The following SYT2 variants were observed in gnomAD, a reference collection of about 807,000 sequenced individuals.
SYT2 encodes synaptotagmin-2.
A neutral mutation model predicts 39.9 loss-of-function variants in SYT2; 15 were observed. The observed-to-expected ratio is 0.38, with a 90% confidence interval of 0.25 to 0.58. The LOEUF is 0.58. Ranked by LOEUF, SYT2 falls within the 20% of genes least tolerant of loss-of-function variation. SYT2 has a pLI of 0.70. For synonymous variants in SYT2, 181 were observed against 204.5 expected (o/e 0.89, Z 0.98); for missense variants, 389 against 530.3 (o/e 0.73, Z 2.62).
At chr1:202,705,807 C>T (rs1204030219) in intron 1 of SYT2, among the ~76,000 whole-genome samples, 2 of 151,810 alleles carry the variant, frequency 1.3e-5, no homozygotes, top group Non-Finnish European at 2.9e-5. Flanking sequence ...TCTCGACCTC[C>T]TGGGCTCAGG....
rs149075201 is a variant in SYT2, at chr1:202,630,205, A to G, written c.-17-24416T>C. ...TGGTGCATATATCCATAAGTTGTGC[A>G]CTTTGCTGAATCTAAGTTATAACTA... On this transcript the variant is annotated intron_variant, in intron 1 of 8. Coordinates refer to ENST00000367268, the MANE Select transcript of SYT2 (RefSeq NM_177402.5). The G allele has an allele frequency of 7.8e-3, 1,358 of 174,036 alleles. 16 individuals carry two copies. Among genetic ancestry groups the G allele is most frequent in the African/African-American group, 0.031 (1,294 of 41,788 alleles). 10.8% of individuals were successfully genotyped at this position (174,036 alleles called of 1,614,324 possible).
At chr1:202,642,982 T>C (rs1691962840) in intron 1 of SYT2, among the ~76,000 whole-genome samples, 2 of 152,282 alleles carry the variant, frequency 1.3e-5, no homozygotes, top group African/African-American at 2.4e-5. Context: ...CGGGGAGAGA[T>C]AGGTTGGGGG....
At chr1:202,625,626 T>A (rs182693256) in intron 1 of SYT2, among the ~76,000 whole-genome samples, 1 of 152,104 alleles carries the variant, frequency 6.6e-6, no homozygotes, top group East Asian at 1.9e-4. Flanking sequence ...TCCAGGAGGC[T>A]GCCGCCTGCC....
chr1:202,664,993 C>T (rs562290254), intron 1 of SYT2, among the ~76,000 whole-genome samples: 39 of 152,268 alleles, frequency 2.6e-4, no homozygotes, highest in South Asian at 8.3e-4. Context: ...TCATTCATGT[C>T]GTTACAGGTA....
rs746832450 is a variant in SYT2, at chr1:202,602,581, C to T, written c.466-36G>A. 4 of 1,583,908 alleles carry T rather than the reference C, an allele frequency of 2.5e-6. No individual in the cohort carries two copies. In the South Asian group the frequency reaches 3.5e-5, roughly 14 times the overall value. On this transcript the variant is annotated intron_variant, in intron 4 of 8. Transcript: ENST00000367268. Reference sequence around the variant, plus strand: ...AGATGGGGAGAAGGGGCCTGAGTCTCAGGACTGCTCCAATACCACAACTGG... The same window carrying T: ...AGATGGGGAGAAGGGGCCTGAGTCTTAGGACTGCTCCAATACCACAACTGG...
At chr1:202,697,338 A>C (rs1653998188) in intron 1 of SYT2, among the ~76,000 whole-genome samples, 1 of 152,226 alleles carries the variant, frequency 6.6e-6, no homozygotes, top group Admixed American at 6.5e-5. Context: ...AGCTGGAGAT[A>C]AGGCCTCAGG....
chr1:202,642,622 A>C (rs1392926051), intron 1 of SYT2, among the ~76,000 whole-genome samples: 1 of 152,156 alleles, frequency 6.6e-6, no homozygotes, highest in Non-Finnish European at 1.5e-5. Context: ...AGGGGTGGAA[A>C]ATGCAGCCGC....
In SYT2 at chr1:202,640,781, A is replaced by AGG. The variant is rs1428400288; in HGVS notation, c.-17-34993_-17-34992insCC. Among the ~76,000 whole-genome samples the AGG allele has an allele frequency of 1.0e-3, 143 of 143,362 alleles. 2 individuals carry two copies. Among genetic ancestry groups the AGG allele is most frequent in the Non-Finnish European group, 1.5e-3 (98 of 66,866 alleles). 94.1% of individuals were successfully genotyped at this position (143,362 alleles called of 152,430 possible). On this transcript the variant is annotated intron_variant, in intron 1 of 8. Coordinates refer to ENST00000367268, the MANE Select transcript of SYT2 (RefSeq NM_177402.5). ...GAGAGAGAGAGAGAGAGAGAGAGAG[A>AGG]GAGAGAGAGAGACAGACAGACAGAG...
In SYT2 at chr1:202,709,011, G is replaced by A. The variant is rs565869342; in HGVS notation, c.-18+1247C>T. Among the ~76,000 whole-genome samples the A allele has an allele frequency of 1.5e-3, 232 of 152,328 alleles. 1 individual carries two copies. Among genetic ancestry groups the A allele is most frequent in the Non-Finnish European group, 2.4e-3 (166 of 68,022 alleles). Reference sequence around the variant, plus strand: ...ATCTATTCCACCTGGGAGAGGCCCCGCAGGGCGGCAGCAGTAGGGGAGGGA... The same window carrying A: ...ATCTATTCCACCTGGGAGAGGCCCCACAGGGCGGCAGCAGTAGGGGAGGGA... On this transcript the variant is annotated intron_variant, in intron 1 of 8. Transcript: ENST00000367268.
At chr1:202,658,803 C>T (rs1318405397) in intron 1 of SYT2, among the ~76,000 whole-genome samples, 1 of 152,098 alleles carries the variant, frequency 6.6e-6, no homozygotes, top group Admixed American at 6.5e-5. Context: ...GCACCCTCCT[C>T]TTGCCCCTGC....
At chr1:202,647,508 G>A (rs927831631) in intron 1 of SYT2, among the ~76,000 whole-genome samples, 5 of 151,916 alleles carry the variant, frequency 3.3e-5, no homozygotes, top group Non-Finnish European at 7.4e-5. Flanking sequence ...CCCTGCAACA[G>A]TAGCTGAGGC....
At chr1:202,615,984 C>A (rs1276722297) in intron 1 of SYT2, among the ~76,000 whole-genome samples, 2 of 152,096 alleles carry the variant, frequency 1.3e-5, no homozygotes, top group Non-Finnish European at 1.5e-5. Context: ...TCCATGGCTA[C>A]CCCCGACTGC....
intron 1 of SYT2, among the ~76,000 whole-genome samples, chr1:202,692,170 C>T (rs1312229483): frequency 6.6e-6 from 1 of 152,048 alleles, no homozygotes; most frequent in Non-Finnish European, 1.5e-5. Flanking sequence ...GATCTGGTAC[C>T]CTGCTCTGAC....
At chr1:202,658,933 C>T (rs1157403888) in intron 1 of SYT2, among the ~76,000 whole-genome samples, 2 of 152,120 alleles carry the variant, frequency 1.3e-5, no homozygotes, top group Admixed American at 1.3e-4. Flanking sequence ...AACTTAAATG[C>T]TTGCCAGATT....
At chr1:202,702,354 C>A (rs1364342720) in intron 1 of SYT2, among the ~76,000 whole-genome samples, 1 of 152,200 alleles carries the variant, frequency 6.6e-6, no homozygotes, top group African/African-American at 2.4e-5. Context: ...CCCTTCGCCT[C>A]CTGCAATGCC....
At chr1:202,667,223 T>G (rs955047695) in intron 1 of SYT2, among the ~76,000 whole-genome samples, 28 of 152,022 alleles carry the variant, frequency 1.8e-4, no homozygotes, top group Admixed American at 1.6e-3. Context: ...GGAGGTGGTG[T>G]TATTGGGACC....
At chr1:202,645,894 T>C (rs1356683500) in intron 1 of SYT2, among the ~76,000 whole-genome samples, 1 of 152,158 alleles carries the variant, frequency 6.6e-6, no homozygotes, top group African/African-American at 2.4e-5. Context: ...AGAGAACCCT[T>C]CCCCTGATAG....
At chr1:202,641,274 A>C (rs531548173) in intron 1 of SYT2, among the ~76,000 whole-genome samples, 1 of 152,138 alleles carries the variant, frequency 6.6e-6, no homozygotes, top group Admixed American at 6.6e-5. Flanking sequence ...TGGGAGGGCA[A>C]TGCATTGGGA....
At chr1:202,658,958 T>C (rs965308273) in intron 1 of SYT2, among the ~76,000 whole-genome samples, 1 of 152,194 alleles carries the variant, frequency 6.6e-6, no homozygotes, top group Non-Finnish European at 1.5e-5. Context: ...AGCTTCTCAA[T>C]TTCCCAGTCC....
Sources: gnomAD v4.1 joint callset for allele counts (sites outside exome capture counted in the v4.1 genomes callset) on GRCh38, gnomAD v4.1.1 for gene constraint, MANE v1.5 for transcripts, NCBI Gene and HGNC (gene_info 2026-07-23, HGNC 2026-07-21) for gene names.